ROPN1L: variants seen among roughly 807,000 people sequenced by gnomAD.
ROPN1L encodes the protein rhophilin associated tail protein 1 like.
A neutral mutation model predicts 22.7 loss-of-function variants in ROPN1L; 23 were observed. The observed-to-expected ratio is 1.01, with a 90% CI of 0.73 to 1.43. ROPN1L has a LOEUF of 1.43. Among genes scored for constraint, ROPN1L ranks in the 40% most tolerant of loss-of-function variants. The pLI, the probability that ROPN1L is intolerant of heterozygous loss-of-function variation, is 0.00. For missense variants in ROPN1L, 271 were observed against 291.5 expected (o/e 0.93, Z 0.51); for synonymous variants, 116 against 117.8 (o/e 0.98, Z 0.10).
At chr5:10,445,850 G>A (rs1268747967) in intron 1 of ROPN1L, among the ~76,000 whole-genome samples, 3 of 152,198 alleles carry the variant, frequency 2.0e-5, no homozygotes, top group Non-Finnish European at 4.4e-5. Context: ...TTGAGCCCAG[G>A]AGTTGGAGGC....
chr5:10,475,390 C>G (rs1735304771), downstream of ROPN1L, among the ~76,000 whole-genome samples: 1 of 152,134 alleles, frequency 6.6e-6, no homozygotes, highest in Non-Finnish European at 1.5e-5. Context: ...CCCTATTGTC[C>G]TTACTGATTA....
chr5:10,461,124 T>C (rs963044590), intron 3 of ROPN1L, 60 bp from the exon 4 acceptor site: 1 of 1,496,446 alleles, frequency 6.7e-7, no homozygotes, highest in African/African-American at 1.4e-5. Context: ...ATGCCTGCTT[T>C]CAATGTGAGT....
At chr5:10,473,549 G>A (rs1735279578), downstream of ROPN1L, among the ~76,000 whole-genome samples, 1 of 152,200 alleles carries the variant, frequency 6.6e-6, no homozygotes, top group Admixed American at 6.5e-5. Flanking sequence ...CCAGAACTGT[G>A]AGACAAGAAA....
At chr5:10,461,131 G>T (rs1561176315) in intron 3 of ROPN1L, 53 bp from the exon 4 acceptor site, 2 of 1,521,590 alleles carry the variant, frequency 1.3e-6, no homozygotes, top group Non-Finnish European at 1.8e-6. Context: ...CTTTCAATGT[G>T]AGTGATGCCA....
rs554351652 is a variant in ROPN1L at position 10,464,896 on chromosome 5, A to G, written c.642A>G (p.Pro214=). Residue 214 remains proline (P), a synonymous_variant, in exon 5 of 5, where the codon CCA becomes CCG. Coordinates refer to ENST00000274134, the MANE Select transcript of ROPN1L (RefSeq NM_031916.5). ...TAGGTCTTTCAGATTTCTTCTTTCC[A>G]AAGAGGAAACTTTTAGAAAGCATTG... ...GMIGLSDFFF[P]KRKLLESIEN... 1 of 1,608,696 alleles carries G rather than the reference A, an allele frequency of 6.2e-7. No individual in the cohort carries two copies. Among genetic ancestry groups the G allele is most frequent in the East Asian group, 2.2e-5 (1 of 44,806 alleles).
At chr5:10,465,173 A>G, downstream of ROPN1L, 1 of 307,596 alleles carries the variant, frequency 3.3e-6, no homozygotes, top group Non-Finnish European at 6.0e-6. Flanking sequence ...TTAAGAAAAT[A>G]ATCTATTTGG....
the ROPN1L span, chr5:10,482,289 CA>C: frequency 2.0e-5 from 3 of 150,908 alleles, no homozygotes; most frequent in East Asian, 1.9e-4. Flanking sequence ...AATTAAAAAT[CA>C]AAACAAAACA....
intron 3 of ROPN1L, among the ~76,000 whole-genome samples, chr5:10,454,845 G>C (rs1741366049): frequency 6.6e-6 from 1 of 152,200 alleles, no homozygotes; most frequent in African/African-American, 2.4e-5. Flanking sequence ...CATCAGGATT[G>C]CAGGCTGGTG....
At chr5:10,445,048 C>T (rs1327614421) in intron 1 of ROPN1L, among the ~76,000 whole-genome samples, 1 of 152,066 alleles carries the variant, frequency 6.6e-6, no homozygotes, top group Non-Finnish European at 1.5e-5. Flanking sequence ...TATCTAGGCT[C>T]ACGGCAACCT....
intron 3 of ROPN1L, 95 bp downstream of exon 3, chr5:10,450,208 G>A (rs1318183631): frequency 2.0e-6 from 2 of 1,019,744 alleles, no homozygotes; most frequent in Admixed American, 2.8e-5. Context: ...AAACACTTTA[G>A]TAACTTTGTC....
At chr5:10,461,986 G>A (rs548758191) in intron 4 of ROPN1L, among the ~76,000 whole-genome samples, 66 of 152,260 alleles carry the variant, frequency 4.3e-4, no homozygotes, top group Admixed American at 1.0e-3. Context: ...TTTAGCTTCC[G>A]GGAAACTTTC....
At chr5:10,452,287 A>ATGTGTGTG (rs762971211) in intron 3 of ROPN1L, among the ~76,000 whole-genome samples, 6 of 142,510 alleles carry the variant, frequency 4.2e-5, no homozygotes, top group African/African-American at 1.6e-4. Context: ...CCTAAAGTAT[A>ATGTGTGTG]TGTGTGTGTG....
intron 3 of ROPN1L, among the ~76,000 whole-genome samples, chr5:10,458,840 C>T (rs1362122142): frequency 2.8e-5 from 1 of 35,562 alleles, no homozygotes; most frequent in African/African-American, 8.4e-5. Context: ...ACCATCCCCC[C>T]GTATGCCCCA....
At chr5:10,473,311 C>A (rs116768096), downstream of ROPN1L, among the ~76,000 whole-genome samples, 1 of 152,076 alleles carries the variant, frequency 6.6e-6, no homozygotes, top group Non-Finnish European at 1.5e-5. Flanking sequence ...AGGGTGGACC[C>A]TAAATCCAAT....
chr5:10,448,391 G>A lies in ROPN1L; in HGVS notation c.255+8G>A. On this transcript the variant is annotated splice_region_variant and intron_variant, in intron 2 of 4. Coordinates refer to ENST00000274134, the MANE Select transcript of ROPN1L (RefSeq NM_031916.5). ...AAAGTTTTGCACAAGCAGGTATGGG[G>A]GGGCGTAGTCTCTGGCCTCAGGCAG... 6.2e-7 allele frequency: 1 copy of A among 1,613,990 alleles called. No individual in the cohort carries two copies. The highest frequency in any genetic ancestry group is 8.5e-7 in the Non-Finnish European group (1 of 1,179,990).
At chr5:10,454,313 A>G (rs995612829) in intron 3 of ROPN1L, among the ~76,000 whole-genome samples, 2 of 152,148 alleles carry the variant, frequency 1.3e-5, no homozygotes, top group Middle Eastern at 3.4e-3. Context: ...TGTAGAGACA[A>G]GTATCTTGCC....
downstream of ROPN1L, among the ~76,000 whole-genome samples, chr5:10,473,274 A>T (rs1000933970): frequency 6.6e-6 from 1 of 152,180 alleles, no homozygotes; most frequent in East Asian, 1.9e-4. Flanking sequence ...TAATTTAAGG[A>T]TCACAAGATG....
chr5:10,472,322 GT>G (rs1408545106), downstream of ROPN1L, among the ~76,000 whole-genome samples: 1 of 152,188 alleles, frequency 6.6e-6, no homozygotes, highest in Non-Finnish European at 1.5e-5. Context: ...TGGTGTCTGA[GT>G]TCTTTGGGCT....
chr5:10,468,788 C>T (rs558044670), downstream of ROPN1L, among the ~76,000 whole-genome samples: 7 of 152,258 alleles, frequency 4.6e-5, no homozygotes, highest in East Asian at 5.8e-4. Flanking sequence ...TTTGCTATCA[C>T]GTGGAGAGGA....
Sources: gnomAD v4.1 joint callset for allele counts (sites outside exome capture counted in the v4.1 genomes callset) on GRCh38, gnomAD v4.1.1 for gene constraint, MANE v1.5 for transcripts, NCBI Gene and HGNC (gene_info 2026-07-23, HGNC 2026-07-21) for gene names.